Variants in PLK4 observed in about 807,000 individuals in gnomAD.
The protein encoded by PLK4 is serine/threonine-protein kinase PLK4.
In PLK4, 51 loss-of-function variants were observed where a neutral mutation model predicts 103.0. The ratio of observed to expected loss-of-function variants is 0.50; its 90% CI spans 0.40 to 0.63. PLK4 has a LOEUF of 0.63. Ranked by LOEUF, PLK4 falls within the 20% of genes least tolerant of loss-of-function variation. The pLI, the probability that PLK4 is intolerant of heterozygous loss-of-function variation, is 0.00. For synonymous variants in PLK4, 389 were observed against 376.8 expected (o/e 1.03, Z -0.38); for missense variants, 1,054 against 1,151.0 (o/e 0.92, Z 1.22).
At chr4:127,883,635 T>C in intron 4 of PLK4, 82 bp downstream of exon 4, 1 of 623,570 alleles carries the variant, frequency 1.6e-6, no homozygotes. Flanking sequence ...AGGAATATGC[T>C]ATTTTATAAT....
In PLK4 at chr4:127,880,977, A is replaced by G. The variant is rs1327712415; in HGVS notation, c.-158A>G. On this transcript the variant is annotated 5_prime_UTR_variant, in exon 1 of 16. Transcript: ENST00000270861. ...CACCGCCCAGGCCTCGGAAGGTGTC[A>G]GGGAGAACTTTCCGTGGTTTCAGCG... The G allele has an allele frequency of 4.0e-6, 3 of 751,824 alleles. No homozygotes were observed. The highest frequency in any genetic ancestry group is 1.7e-5 in the South Asian group (1 of 59,956). 46.6% of individuals were successfully genotyped at this position (751,824 alleles called of 1,614,324 possible).
At chr4:127,895,644 A>G (rs1299181664) in intron 14 of PLK4, among the ~76,000 whole-genome samples, 1 of 151,344 alleles carries the variant, frequency 6.6e-6, no homozygotes. Flanking sequence ...GATGGTCTCA[A>G]TCCCCTGACC....
intron 1 of PLK4, 78 bp downstream of exon 1, chr4:127,881,242 G>A: frequency 6.2e-7 from 1 of 1,606,272 alleles, no homozygotes. Flanking sequence ...GGGAAGGGGA[G>A]CGAACGAAGC....
intron 6 of PLK4, among the ~76,000 whole-genome samples, chr4:127,889,029 AAC>A (rs1398296776): frequency 3.3e-5 from 5 of 152,336 alleles, no homozygotes; most frequent in South Asian, 2.1e-4. Context: ...TATATTTAGT[AAC>A]ACAGACTTGT....
At chr4:127,898,132 G>C (rs912001593) in intron 15 of PLK4, among the ~76,000 whole-genome samples, 1 of 152,040 alleles carries the variant, frequency 6.6e-6, no homozygotes, top group African/African-American at 2.4e-5. Flanking sequence ...CACCGCGCCT[G>C]TCCGGGGCCT....
intron 6 of PLK4, among the ~76,000 whole-genome samples, chr4:127,887,930 A>C (rs1735199022): frequency 6.7e-6 from 1 of 150,302 alleles, no homozygotes; most frequent in South Asian, 2.1e-4. Flanking sequence ...CTGTAATCCT[A>C]GTACTTTGGG....
At chr4:127,885,635 G>A (rs1735092220) in intron 4 of PLK4, 73 bp from the exon 5 acceptor site, 3 of 1,155,534 alleles carry the variant, frequency 2.6e-6, no homozygotes, top group Non-Finnish European at 2.5e-6. Flanking sequence ...GTTTCATAAT[G>A]TATACTAAAT....
In PLK4 at chr4:127,886,641, A is replaced by G. The variant is rs1560694314; in HGVS notation, c.1271A>G (p.Asp424Gly). 1.2e-6 allele frequency: 2 copies of G among 1,613,562 alleles called. No individual in the cohort carries two copies. ...AATGAAGAGAGGTACTCACCCACAG[A>G]CAACAATGCCAACATTTTTAACTTC... ...GENEERYSPT[D>G]NNANIFNFFK... is the part of the protein sequence containing the mutation. Residue 424 changes from aspartate to glycine, a missense_variant, in exon 5 of 16, where the codon GAC (aspartate) becomes GGC (glycine). This residue lies in a region of PLK4 where 680 missense variants were observed against 660.3 expected (regional missense o/e 1.03). Transcript: ENST00000270861.
chr4:127,881,511 G>A, intron 1 of PLK4: 1 of 873,120 alleles, frequency 1.1e-6, no homozygotes, highest in Non-Finnish European at 1.6e-6. Flanking sequence ...CGGGAGCTGC[G>A]GCGGGATTCT....
chr4:127,881,457 AG>A (rs1168225659), intron 1 of PLK4: 1 of 1,228,784 alleles, frequency 8.1e-7, no homozygotes, highest in African/African-American at 1.5e-5. Context: ...AGAGCAGGGC[AG>A]GGCTACCTCC....
chr4:127,884,031 G>A (rs1374864159), intron 4 of PLK4, among the ~76,000 whole-genome samples: 1 of 152,110 alleles, frequency 6.6e-6, no homozygotes, highest in Admixed American at 6.5e-5. Context: ...TTACTACCTT[G>A]ATTTTCCAAA....
Position 127,898,989 on chromosome 4 carries a change from T to C in PLK4, c.*448T>C, listed in dbSNP as rs1196057363. The C allele has an allele frequency of 6.5e-6, 1 of 152,784 alleles. No homozygotes were observed. The highest frequency in any genetic ancestry group is 1.5e-5 in the Non-Finnish European group (1 of 68,126). 9.5% of individuals were successfully genotyped at this position (152,784 alleles called of 1,614,324 possible). A position where few individuals can be genotyped will look rare whatever the true frequency, so the allele number is the denominator to read the frequency against. ...CATATGTAAACATGTATATTTGTTT[T>C]ATATTTATTTTTGTAACACCAGTGT... is the stretch of plus-strand genomic sequence containing the variant. On this transcript the variant is annotated 3_prime_UTR_variant, in exon 16 of 16. Coordinates refer to ENST00000270861, the MANE Select transcript of PLK4 (RefSeq NM_014264.5).
Position 127,896,899 on chromosome 4 carries a change from A to G in PLK4, c.2802A>G (p.Gln934=). 1.3e-6 allele frequency: 2 copies of G among 1,570,236 alleles called. No homozygotes were observed. Among genetic ancestry groups the G allele is most frequent in the South Asian group, 1.1e-5 (1 of 89,790 alleles). The part of the protein sequence containing the change: ...SSISYTSPNG[Q]TTRYGENEKL... The stretch of plus-strand genomic sequence containing the variant: ...TCAGTTATACCTCACCAAATGGTCA[A>G]ACAACTAGGTAAGTTCTTAAAATAC... The change falls in exon 15 of 16, where the codon CAA becomes CAG. Residue 934 remains glutamine (Q), a synonymous_variant. Transcript: ENST00000270861.
intron 6 of PLK4, among the ~76,000 whole-genome samples, chr4:127,888,177 C>CAAAAAAAAAAAAAAAAAAA (rs58491426): frequency 6.0e-5 from 2 of 33,244 alleles, no homozygotes; most frequent in Admixed American, 5.7e-4. Context: ...TAGACTGTCT[C>CAAAAAAAAAAAAAAAAAAA]AAAAAAAAAA....
At chr4:127,885,501 G>T (rs1324659510) in intron 4 of PLK4, among the ~76,000 whole-genome samples, 2 of 149,012 alleles carry the variant, frequency 1.3e-5, no homozygotes, top group Non-Finnish European at 3.0e-5. Context: ...AAAAAAAAAG[G>T]TTAATATGAT....
chr4:127,892,643 T>G, intron 10 of PLK4, 129 bp downstream of exon 10: 1 of 649,940 alleles, frequency 1.5e-6, no homozygotes, highest in South Asian at 2.0e-5. Flanking sequence ...ACATATAAAT[T>G]GCACAGCGGA....
Position 127,881,871 on chromosome 4 carries a change from C to T in PLK4, c.71C>T (p.Ala24Val). Residue 24 changes from alanine (A) to valine (V), a missense_variant, in exon 2 of 16, where the codon GCT becomes GTT. Around this residue, in one of 4 missense-constraint regions of PLK4, gnomAD observed 199 missense variants for 270.1 expected, o/e 0.74. Coordinates refer to ENST00000270861, the MANE Select transcript of PLK4 (RefSeq NM_014264.5). ...AATCTGCTTGGTAAAGGATCATTTG[C>T]TGGTGTCTACAGAGCTGAGTCCATT... is the stretch of plus-strand genomic sequence containing the variant. ...VGNLLGKGSF[A>V]GVYRAESIHT... is the part of the protein sequence containing the mutation. 1 of 1,610,140 alleles carries T rather than the reference C, an allele frequency of 6.2e-7. No homozygotes were observed. The highest frequency in any genetic ancestry group is 1.3e-5 in the African/African-American group (1 of 74,958).
chr4:127,897,919 A>T (rs1015864211), intron 15 of PLK4, among the ~76,000 whole-genome samples: 1 of 130,846 alleles, frequency 7.6e-6, no homozygotes, highest in African/African-American at 3.0e-5. Context: ...GCTCACTGCA[A>T]CTTCTGCCTC....
intron 10 of PLK4, chr4:127,892,804 G>A (rs928711321): frequency 4.3e-6 from 1 of 231,786 alleles, no homozygotes; most frequent in South Asian, 9.2e-5. Context: ...AATGCGCAAT[G>A]TCCTATTTCT....
Sources: gnomAD v4.1 joint callset for allele counts (sites outside exome capture counted in the v4.1 genomes callset) on GRCh38, gnomAD v4.1.1 for gene constraint, gnomAD v4.1.1 regional missense constraint, MANE v1.5 for transcripts, NCBI Gene and HGNC (gene_info 2026-07-23, HGNC 2026-07-21) for gene names.